SPATA16: variants seen among roughly 807,000 people sequenced by gnomAD.
SPATA16 encodes the protein spermatogenesis associated 16.
Under a neutral mutation model 63.3 loss-of-function variants are expected in SPATA16, and 36 were observed. That is an observed-to-expected ratio of 0.57 (90% CI 0.44 to 0.75). The LOEUF (loss-of-function observed/expected upper bound fraction) is 0.75, where lower values mean the gene tolerates loss of function less well. SPATA16 is among the 30% of genes least tolerant of loss of function. SPATA16 has a pLI of 0.00. For missense variants in SPATA16, 646 were observed against 679.3 expected, an observed-to-expected ratio of 0.95 and a Z score of 0.54; for synonymous variants, 203 against 216.7, an observed-to-expected ratio of 0.94 and a Z score of 0.56.
At chr3:173,089,518 A>G (rs182517879) in intron 2 of SPATA16, among the ~76,000 whole-genome samples, 6 of 152,320 alleles carry the variant, frequency 3.9e-5, no homozygotes, top group African/African-American at 1.4e-4. Flanking sequence ...GACAGCAGTC[A>G]GTGAAGATAC....
At chr3:172,912,742 G>A (rs145600137) in intron 10 of SPATA16, among the ~76,000 whole-genome samples, 2,936 of 152,136 alleles carry the variant, frequency 0.019, 30 homozygotes, top group Middle Eastern at 0.058. Context: ...GTGAATCAAC[G>A]CTTTATGTTA....
At chr3:173,076,075 A>T (rs1397543402) in intron 2 of SPATA16, among the ~76,000 whole-genome samples, 1 of 152,166 alleles carries the variant, frequency 6.6e-6, no homozygotes, top group Non-Finnish European at 1.5e-5. Flanking sequence ...GGTAAAAAAT[A>T]AAAAGTAAAC....
At chr3:173,070,149 C>A (rs767953407) in intron 2 of SPATA16, among the ~76,000 whole-genome samples, 32 of 152,052 alleles carry the variant, frequency 2.1e-4, no homozygotes, top group Non-Finnish European at 4.4e-4. Flanking sequence ...AATCCCAGCA[C>A]TTTGGGAGGC....
chr3:172,905,769 T>G (rs1246711400), intron 10 of SPATA16, among the ~76,000 whole-genome samples: 1 of 152,208 alleles, frequency 6.6e-6, no homozygotes, highest in Non-Finnish European at 1.5e-5. Flanking sequence ...TTTAAAGGAT[T>G]ACCTATACTC....
chr3:173,088,034 CTTTCTTTCT>C, intron 2 of SPATA16, among the ~76,000 whole-genome samples: 2 of 134,418 alleles, frequency 1.5e-5, no homozygotes, highest in Non-Finnish European at 3.2e-5. Flanking sequence ...TTCTTTCTTT[CTTTCTTTCT>C]TTCTTTCTTT....
rs114070044 is a variant in SPATA16, at chr3:172,953,433, G to C, written c.1081+3244C>G. Among the ~76,000 whole-genome samples the C allele has an allele frequency of 3.6e-3, 552 of 152,324 alleles. 2 individuals carry two copies. Among genetic ancestry groups the C allele is most frequent in the African/African-American group, 0.013 (529 of 41,564 alleles). Reference sequence around the variant, plus strand: ...GAGGGGATTTATTGAGTAAGACTCAGAAAGTGGCTGGGTTCACAAGCTAGC... The same window carrying C: ...GAGGGGATTTATTGAGTAAGACTCACAAAGTGGCTGGGTTCACAAGCTAGC... On this transcript the variant is annotated intron_variant, in intron 6 of 10. Transcript: ENST00000351008.
chr3:172,900,808 T>G (rs1446473307), intron 10 of SPATA16, among the ~76,000 whole-genome samples: 1 of 151,778 alleles, frequency 6.6e-6, no homozygotes, highest in Non-Finnish European at 1.5e-5. Flanking sequence ...GCCCAGCTAA[T>G]TTTTTGTATT....
intron 8 of SPATA16, among the ~76,000 whole-genome samples, chr3:172,917,758 A>C (rs1346204350): frequency 6.6e-6 from 1 of 152,214 alleles, no homozygotes; most frequent in East Asian, 1.9e-4. Flanking sequence ...CAGACATATA[A>C]TTTCACTTTC....
At chr3:173,067,890 G>A (rs1360661553) in intron 2 of SPATA16, among the ~76,000 whole-genome samples, 1 of 152,158 alleles carries the variant, frequency 6.6e-6, no homozygotes, top group Admixed American at 6.5e-5. Context: ...AAAATAAAAA[G>A]AATTGTGATA....
At chr3:173,091,097 A>T (rs2108319446) in intron 2 of SPATA16, among the ~76,000 whole-genome samples, 1 of 152,286 alleles carries the variant, frequency 6.6e-6, no homozygotes, top group East Asian at 1.9e-4. Context: ...GTCTACCACC[A>T]TCACTTCTGC....
Position 173,133,502 on chromosome 3 carries a change from G to A in SPATA16, c.-19+7601C>T, listed in dbSNP as rs371274745. Among the ~76,000 whole-genome samples the A allele has an allele frequency of 1.2e-3, 184 of 152,040 alleles. 4 individuals carry two copies. Among genetic ancestry groups the A allele is most frequent in the South Asian group, 0.011 (54 of 4,812 alleles). On this transcript the variant is annotated intron_variant, in intron 1 of 10. Transcript: ENST00000351008. ...GAACCCTATCTTAGTGACTTCCCCC[G>A]GCCACACTCTCTCCTCAGAGATCTG...
At position 173,099,650 on chromosome 3, in the gene SPATA16, C is replaced by T. The variant is rs578166158; in HGVS notation, c.612+17470G>A. Among the ~76,000 whole-genome samples the T allele has an allele frequency of 3.9e-5, 6 of 152,256 alleles. No homozygotes were observed. The East Asian group carries it at 1.2e-3, about 29-fold the overall frequency. On this transcript the variant is annotated intron_variant, in intron 2 of 10. Transcript: ENST00000351008. Reference sequence around the variant, plus strand: ...ACAATTTTCTACCTCGAATTTTGAACTGTGTAAATATATTACCTATTCAAA... The same window carrying T: ...ACAATTTTCTACCTCGAATTTTGAATTGTGTAAATATATTACCTATTCAAA...
At chr3:172,930,121 G>A (rs1485141291) in intron 6 of SPATA16, among the ~76,000 whole-genome samples, 2 of 152,136 alleles carry the variant, frequency 1.3e-5, no homozygotes, top group Admixed American at 1.3e-4. Context: ...CTGGATTATT[G>A]AAGAGTTTCC....
At chr3:172,989,859 T>A (rs1465380831) in intron 4 of SPATA16, among the ~76,000 whole-genome samples, 1 of 152,186 alleles carries the variant, frequency 6.6e-6, no homozygotes, top group Non-Finnish European at 1.5e-5. Context: ...GTTATTAAAA[T>A]TTTTTCTTGT....
chr3:173,106,697 G>GGGGA (rs1431825319), intron 2 of SPATA16, among the ~76,000 whole-genome samples: 1 of 151,884 alleles, frequency 6.6e-6, no homozygotes, highest in Non-Finnish European at 1.5e-5. Flanking sequence ...GTCTTTCTCT[G>GGGGA]GCTTGCTCAT....
intron 3 of SPATA16, among the ~76,000 whole-genome samples, chr3:173,029,800 C>T (rs1284532754): frequency 1.3e-5 from 2 of 151,994 alleles, no homozygotes; most frequent in Non-Finnish European, 2.9e-5. Context: ...TATTTTTATA[C>T]AGGGCTTTGC....
intron 4 of SPATA16, among the ~76,000 whole-genome samples, chr3:172,984,108 T>C (rs986479194): frequency 1.3e-5 from 2 of 152,184 alleles, no homozygotes; most frequent in Admixed American, 1.3e-4. Flanking sequence ...TCTGTGGTTA[T>C]TTATATTTAA....
At chr3:173,030,072 A>G (rs1577140023) in intron 3 of SPATA16, among the ~76,000 whole-genome samples, 1 of 150,064 alleles carries the variant, frequency 6.7e-6, no homozygotes, top group East Asian at 1.9e-4. Flanking sequence ...CTATCTATCT[A>G]TCTATCTATC....
chr3:172,976,967 C>T lies in SPATA16; in HGVS notation c.933+1G>A. On this transcript the variant is annotated splice_donor_variant, in intron 5 of 10. Transcript: ENST00000351008. LOFTEE classifies it high-confidence loss of function. ...TCCCTAGTTGGGACATCAATTTTTA[C>T]CTGCCAATACAGTTTGATGAGCTTG... 1 of 1,611,850 alleles carries T rather than the reference C, an allele frequency of 6.2e-7. No individual in the cohort carries two copies.
Sources: gnomAD v4.1 joint callset for allele counts (sites outside exome capture counted in the v4.1 genomes callset) on GRCh38, gnomAD v4.1.1 for gene constraint, MANE v1.5 for transcripts, NCBI Gene and HGNC (gene_info 2026-07-23, HGNC 2026-07-21) for gene names.